SHANK1: variants seen among roughly 807,000 people sequenced by gnomAD.
The protein encoded by SHANK1 is SH3 and multiple ankyrin repeat domains 1.
In SHANK1, 35 loss-of-function variants were observed where a neutral mutation model predicts 165.6. That is an observed-to-expected ratio of 0.21 (90% confidence interval 0.16 to 0.28). SHANK1 has a LOEUF of 0.28. Among genes scored for constraint, SHANK1 ranks in the 10% least tolerant of loss-of-function variants. SHANK1 has a pLI of 1.00. For synonymous variants in SHANK1, 1,428 were observed against 1,384.8 expected (o/e 1.03, Z -0.69); for missense variants, 2,681 against 3,036.4 (o/e 0.88, Z 2.75).
rs1986965880 is a variant in SHANK1 at position 50,702,756 on chromosome 19, T to G, written c.1554-96A>C. 1.5e-6 allele frequency: 1 copy of G among 679,386 alleles called. No homozygotes were observed. The highest frequency in any genetic ancestry group is 2.4e-6 in the Non-Finnish European group (1 of 416,790). The allele number at this position is 679,386 out of a possible 1,614,324, so 42.1% of individuals were successfully genotyped here. ...TTGGGTGGGGGAAGAGGACGGTGCATCAGGGGGGAGGGGGGGTTTCCCAGC... is the reference window on the plus strand; with the variant it reads ...TTGGGTGGGGGAAGAGGACGGTGCAGCAGGGGGGAGGGGGGGTTTCCCAGC... On this transcript the variant is annotated intron_variant, in intron 11 of 23. Transcript: ENST00000293441. This position sits in a 1 kb window ranked among gnomAD's most constrained non-coding sequence, Gnocchi z 5.3.
In SHANK1 at chr19:50,690,710, A is replaced by C. The variant is rs1986511317; in HGVS notation, c.1965-1431T>G. ...CAAAACAGCCGTCCTCGAATACTCCAGTATGTTTCGGCAACCCCCACACAT... is the reference window on the plus strand; with the variant it reads ...CAAAACAGCCGTCCTCGAATACTCCCGTATGTTTCGGCAACCCCCACACAT... On this transcript the variant is annotated intron_variant, in intron 15 of 23. Coordinates refer to ENST00000293441, the MANE Select transcript of SHANK1 (RefSeq NM_016148.5). This position sits in a 1 kb window ranked among gnomAD's most constrained non-coding sequence, Gnocchi z 4.9. Among the ~76,000 whole-genome samples, 1 of 152,038 alleles carries C rather than the reference A, an allele frequency of 6.6e-6. No individual in the cohort carries two copies. Among genetic ancestry groups the C allele is most frequent in the South Asian group, 2.1e-4 (1 of 4,818 alleles).
At chr19:50,673,180 G>A (rs1055463397) in intron 21 of SHANK1, among the ~76,000 whole-genome samples, 4 of 152,010 alleles carry the variant, frequency 2.6e-5, no homozygotes, top group African/African-American at 9.7e-5. Flanking sequence ...CCACTCCAGC[G>A]TGAACCGTGT....
At chr19:50,682,462 C>T (rs1986209845) in intron 21 of SHANK1, among the ~76,000 whole-genome samples, 1 of 152,140 alleles carries the variant, frequency 6.6e-6, no homozygotes, top group South Asian at 2.1e-4. Flanking sequence ...TTCACTTTAG[C>T]CCCATTTTAA....
In SHANK1 at chr19:50,686,295, C is replaced by A; in HGVS notation, c.2519G>T (p.Gly840Val). Residue 840 changes from glycine to valine, a missense_variant, in exon 21 of 24, where the codon GGT (glycine) becomes GTT (valine). Physicochemically the swap from Gly to Val is moderately radical, Grantham distance 109. Around this residue, in one of 10 missense-constraint regions of SHANK1, gnomAD observed 206 missense variants for 216.0 expected, o/e 0.95. Transcript: ENST00000293441. This position sits in a 1 kb window ranked among gnomAD's most constrained non-coding sequence, Gnocchi z 5.7. ...QQTISASESP[G>V]PGGLASLGKH... Reference sequence around the variant, plus strand: ...GCCCAGGGACGCGAGGCCACCGGGACCAGGGCTTTCGCTTGCACTGATGGT... The same window carrying A: ...GCCCAGGGACGCGAGGCCACCGGGAACAGGGCTTTCGCTTGCACTGATGGT... 1 of 1,607,662 alleles carries A rather than the reference C, an allele frequency of 6.2e-7. No homozygotes were observed. Among genetic ancestry groups the A allele is most frequent in the Non-Finnish European group, 8.5e-7 (1 of 1,176,636 alleles).
At position 50,662,061 on chromosome 19, in the gene SHANK1, G is replaced by A. The variant is rs779321267; in HGVS notation, c.6390C>T (p.Pro2130=). 44 of 1,614,080 alleles carry A rather than the reference G, an allele frequency of 2.7e-5. No individual in the cohort carries two copies. Among genetic ancestry groups the A allele is most frequent in the Middle Eastern group, 1.6e-4 (1 of 6,084 alleles). The change falls in exon 24 of 24, where the codon CCC becomes CCT. Residue 2130 remains proline (P), a synonymous_variant. Coordinates refer to ENST00000293441, the MANE Select transcript of SHANK1 (RefSeq NM_016148.5). The surrounding 1 kb of genome is among the most constrained non-coding windows in gnomAD (Gnocchi z 7.7). The stretch of plus-strand genomic sequence containing the variant: ...CGACGTAGTCCTCCTTGGTCAAGGC[G>A]GGCAGGTGGGAGCCATCGATCTCGT... ...LDHEIDGSHL[P]ALTKEDYVDL...
At chr19:50,683,711 C>T (rs532036476) in intron 21 of SHANK1, among the ~76,000 whole-genome samples, 2 of 152,144 alleles carry the variant, frequency 1.3e-5, no homozygotes, top group South Asian at 2.1e-4. Flanking sequence ...AAGGCACCCT[C>T]GTTCAGCCTC....
chr19:50,662,301 G>A lies in SHANK1; in HGVS notation c.6150C>T (p.Phe2050=), dbSNP rs768023321. ...TGGAGGSADP[F]APVFVPPHPG... ...GGTGTGGCGGCACAAAGACTGGGGC[G>A]AAGGGGTCAGCCGAGCCTCCTGCCC... The change falls in exon 24 of 24, where the codon TTC becomes TTT. Residue 2050 remains phenylalanine (F), a synonymous_variant. Coordinates refer to ENST00000293441, the MANE Select transcript of SHANK1 (RefSeq NM_016148.5). The surrounding 1 kb of genome is among the most constrained non-coding windows in gnomAD (Gnocchi z 7.7). The A allele has an allele frequency of 1.9e-5, 30 of 1,610,664 alleles. No individual in the cohort carries two copies. Among genetic ancestry groups the A allele is most frequent in the Middle Eastern group, 3.3e-4 (2 of 6,060 alleles).
At chr19:50,701,675 C>T (rs1445473342) in intron 12 of SHANK1, among the ~76,000 whole-genome samples, 1 of 152,174 alleles carries the variant, frequency 6.6e-6, no homozygotes, top group African/African-American at 2.4e-5. Context: ...TGAACCCAGG[C>T]TGCCAGGCTC....
chr19:50,703,005 C>T (rs938919443), intron 11 of SHANK1, among the ~76,000 whole-genome samples: 2 of 152,174 alleles, frequency 1.3e-5, no homozygotes, highest in Non-Finnish European at 1.5e-5. Context: ...GGTCCAACTC[C>T]TCTGCCCGCC....
rs769201618 is a variant in SHANK1 at position 50,688,847 on chromosome 19, G to A, written c.2169C>T (p.Ile723=). The change falls in exon 17 of 24, where the codon ATC becomes ATT. Residue 723 remains isoleucine (I), a synonymous_variant. Coordinates refer to ENST00000293441, the MANE Select transcript of SHANK1 (RefSeq NM_016148.5). This position sits in a 1 kb window ranked among gnomAD's most constrained non-coding sequence, Gnocchi z 6.7. ...RAGLRMGDFL[I]EVNGQNVVKV... is the part of the protein sequence containing the mutation. ...AAGAGAGGGGGCCTGGACTGACCTC[G>A]ATGAGGAAGTCTCCCATTCGCAGTC... The A allele has an allele frequency of 2.5e-5, 40 of 1,606,634 alleles. No homozygotes were observed. The highest frequency in any genetic ancestry group is 9.0e-5 in the East Asian group (4 of 44,570).
In SHANK1 at chr19:50,686,988, G is replaced by A. The variant is rs781371113; in HGVS notation, c.2390-176C>T. 4.8e-5 allele frequency: 68 copies of A among 1,417,702 alleles called. No homozygotes were observed. Among genetic ancestry groups the A allele is most frequent in the Admixed American group, 6.5e-5 (2 of 30,646 alleles). 87.8% of individuals were successfully genotyped at this position (1,417,702 alleles called of 1,614,324 possible). A position where few individuals can be genotyped will look rare whatever the true frequency, so the allele number is the denominator to read the frequency against. On this transcript the variant is annotated intron_variant, in intron 19 of 23. Coordinates refer to ENST00000293441, the MANE Select transcript of SHANK1 (RefSeq NM_016148.5). This position sits in a 1 kb window ranked among gnomAD's most constrained non-coding sequence, Gnocchi z 5.7. ...CCGCCGGCGGGGTCGGGAGACGGGG[G>A]CCCTCCCGCCAGTCCTGTGCCCACT...
At chr19:50,680,479 G>A (rs1474639565) in intron 21 of SHANK1, among the ~76,000 whole-genome samples, 5 of 152,110 alleles carry the variant, frequency 3.3e-5, no homozygotes, top group South Asian at 2.1e-4. Context: ...AAGCCATACC[G>A]AGGGGCGGAT....
rs779706581 is a variant in SHANK1 at position 50,668,082 on chromosome 19, A to C, written c.3878T>G (p.Phe1293Cys). Residue 1293 changes from phenylalanine to cysteine, a missense_variant, in exon 23 of 24, where the codon TTC becomes TGC. Phe to Cys is a radical substitution (Grantham distance 205). Coordinates refer to ENST00000293441, the MANE Select transcript of SHANK1 (RefSeq NM_016148.5). ...RHSKSIDEGM[F>C]SAEPYLRLES... The stretch of plus-strand genomic sequence containing the variant: ...CAGTCGGAGGTAGGGCTCGGCGGAG[A>C]ACATGCCCTCGTCGATGGATTTGGA... 208 of 1,480,770 alleles carry C rather than the reference A, an allele frequency of 1.4e-4. No individual in the cohort carries two copies. Among genetic ancestry groups the C allele is most frequent in the Admixed American group, 2.1e-4 (9 of 43,770 alleles). 91.7% of individuals were successfully genotyped at this position (1,480,770 alleles called of 1,614,324 possible). A position where few individuals can be genotyped will look rare whatever the true frequency, so the allele number is the denominator to read the frequency against.
chr19:50,697,597 A>G lies in SHANK1; in HGVS notation c.1929T>C (p.Asp643=). The change falls in exon 14 of 24, where the codon GAT becomes GAC. Residue 643 remains aspartate, a synonymous_variant. Transcript: ENST00000293441. This position sits in a 1 kb window ranked among gnomAD's most constrained non-coding sequence, Gnocchi z 4.7. ...HYTVGSYDSF[D]APSLMDGIGP... ...GGTGTAAGGACATTTACCTTGGGGC[A>G]TCAAAGCTGTCGTAGGAGCCCACGG... 6.2e-7 allele frequency: 1 copy of G among 1,613,854 alleles called. No individual in the cohort carries two copies. The highest frequency in any genetic ancestry group is 8.5e-7 in the Non-Finnish European group (1 of 1,179,746).
chr19:50,673,201 TC>T (rs1414077968), intron 21 of SHANK1, among the ~76,000 whole-genome samples: 1 of 152,004 alleles, frequency 6.6e-6, no homozygotes, highest in Non-Finnish European at 1.5e-5. Flanking sequence ...CTGCTTGACT[TC>T]CTTCCACAAC....
chr19:50,712,064 C>T lies in SHANK1; in HGVS notation c.843G>A (p.Leu281=), dbSNP rs1451377069. 6.2e-7 allele frequency: 1 copy of T among 1,612,090 alleles called. No homozygotes were observed. The highest frequency in any genetic ancestry group is 1.3e-5 in the African/African-American group (1 of 74,888). ...CCATGGCCGTGTGGAACAGAGGGGT[C>T]AGCCCCCGACGGTCCTTGTAGTTGG... ...GSPNYKDRRG[L]TPLFHTAMVG... Residue 281 remains leucine (L), a synonymous_variant, in exon 7 of 24, where the codon CTG becomes CTA. Transcript: ENST00000293441.
At chr19:50,665,968 G>A (rs555914352) in intron 23 of SHANK1, among the ~76,000 whole-genome samples, 11 of 145,444 alleles carry the variant, frequency 7.6e-5, no homozygotes, top group East Asian at 4.2e-4. Flanking sequence ...CCGAGATCAC[G>A]CCATTGCACT....
chr19:50,719,685 G>T lies in SHANK1; in HGVS notation c.-323C>A, dbSNP rs983039801. Among the ~76,000 whole-genome samples the T allele has an allele frequency of 1.6e-4, 24 of 148,454 alleles. No individual in the cohort carries two copies. Among genetic ancestry groups the T allele is most frequent in the African/African-American group, 5.9e-4 (24 of 40,584 alleles). On this transcript the variant is annotated 5_prime_UTR_variant, in exon 1 of 24. Transcript: ENST00000293441. ...GCCCGCCCCCGGCTCGGTCCGGCCG[G>T]CTCCGGGCGCCGCGTCTCCGCCTGC... is the stretch of plus-strand genomic sequence containing the variant.
At chr19:50,672,826 A>G (rs1985847897) in intron 21 of SHANK1, among the ~76,000 whole-genome samples, 1 of 152,202 alleles carries the variant, frequency 6.6e-6, no homozygotes, top group Middle Eastern at 3.4e-3. Flanking sequence ...AGTCAGAGGC[A>G]TCTTTCAAAA....
Sources: gnomAD v4.1 joint callset for allele counts (sites outside exome capture counted in the v4.1 genomes callset) on GRCh38, gnomAD v4.1.1 for gene constraint, gnomAD v4.1.1 regional missense constraint, Gnocchi (gnomAD v3.1) non-coding constraint, MANE v1.5 for transcripts, NCBI Gene and HGNC (gene_info 2026-07-23, HGNC 2026-07-21) for gene names.